The following PARD3B variants were observed in gnomAD, a reference collection of about 807,000 sequenced individuals.
The protein encoded by PARD3B is partitioning defective 3 homolog B.
PARD3B carries 103 observed loss-of-function variants against 130.2 expected under a neutral mutation model. The ratio of observed to expected loss-of-function variants is 0.79; its 90% CI spans 0.67 to 0.93. The LOEUF (loss-of-function observed/expected upper bound fraction) is 0.93, where lower values mean the gene tolerates loss of function less well. Among genes scored for constraint, PARD3B ranks in the 40% least tolerant of loss-of-function variants. The probability of loss-of-function intolerance (pLI) is 0.00; values close to 1 mark genes in which losing one functional copy is unlikely to be tolerated. For synonymous variants in PARD3B, 583 were observed against 553.2 expected (o/e 1.05, Z -0.76); for missense variants, 1,609 against 1,499.2 (o/e 1.07, Z -1.21).
At chr2:204,888,623 C>T (rs767317152) in intron 2 of PARD3B, among the ~76,000 whole-genome samples, 30 of 150,584 alleles carry the variant, frequency 2.0e-4, no homozygotes, top group African/African-American at 5.6e-4. Flanking sequence ...TCCAGCTACT[C>T]GGGAGGCTCA....
intron 21 of PARD3B, among the ~76,000 whole-genome samples, chr2:205,504,331 G>T (rs1382457177): frequency 6.6e-6 from 1 of 152,050 alleles, no homozygotes; most frequent in African/African-American, 2.4e-5. Context: ...ACATAGGCAG[G>T]GGCAAGGACT....
intron 2 of PARD3B, among the ~76,000 whole-genome samples, chr2:204,774,355 T>C (rs138276454): frequency 6.6e-6 from 1 of 152,194 alleles, no homozygotes; most frequent in East Asian, 1.9e-4. Flanking sequence ...CATATAATAG[T>C]CCATGTAATT....
At chr2:205,111,309 A>G (rs1703630236) in intron 5 of PARD3B, among the ~76,000 whole-genome samples, 1 of 152,064 alleles carries the variant, frequency 6.6e-6, no homozygotes, top group African/African-American at 2.4e-5. Context: ...CAAAATTGCA[A>G]CTATTGTGTG....
intron 21 of PARD3B, among the ~76,000 whole-genome samples, chr2:205,535,681 A>G (rs1018077880): frequency 6.6e-6 from 1 of 152,202 alleles, no homozygotes; most frequent in Non-Finnish European, 1.5e-5. Flanking sequence ...TCTCTTCCCT[A>G]TGAGGCAGTG....
intron 19 of PARD3B, among the ~76,000 whole-genome samples, chr2:205,439,276 G>A (rs1010134740): frequency 1.3e-5 from 2 of 151,812 alleles, no homozygotes; most frequent in Non-Finnish European, 2.9e-5. Flanking sequence ...ATATTCTCTG[G>A]GCCCAGGACA....
intron 2 of PARD3B, among the ~76,000 whole-genome samples, chr2:204,945,893 G>C (rs1223915942): frequency 7.1e-6 from 1 of 140,340 alleles, no homozygotes; most frequent in Admixed American, 7.0e-5. Context: ...CTAGTTGGTT[G>C]GCTTTTTGCA....
Position 205,381,146 on chromosome 2 carries a change from T to TATATATTATATATAAAGAATATATA in PARD3B, c.2631-19861_2631-19860insTATATATAAAGAATATATAATATAT, listed in dbSNP as rs1559035958. On this transcript the variant is annotated intron_variant, in intron 18 of 22. Coordinates refer to ENST00000406610, the MANE Select transcript of PARD3B (RefSeq NM_001302769.2). ...TATATTATATATAAAGAATATATAA[T>TATATATTATATATAAAGAATATATA]ATATATAATATATATAAAGAATATA... is the stretch of plus-strand genomic sequence containing the variant. Among the ~76,000 whole-genome samples, 10 of 27,846 alleles carry TATATATTATATATAAAGAATATATA rather than the reference T, an allele frequency of 3.6e-4. 1 individual carries two copies. Among genetic ancestry groups the TATATATTATATATAAAGAATATATA allele is most frequent in the South Asian group, 3.6e-3 (1 of 274 alleles). The allele number at this position is 27,846 out of a possible 152,430, so 18.3% of individuals were successfully genotyped here.
chr2:204,577,287 AC>A, intron 1 of PARD3B, among the ~76,000 whole-genome samples: 1 of 152,224 alleles, frequency 6.6e-6, no homozygotes, highest in Non-Finnish European at 1.5e-5. Flanking sequence ...CACTTTCTAA[AC>A]ACTTTGCATA....
At chr2:204,853,725 C>T (rs910398930) in intron 2 of PARD3B, among the ~76,000 whole-genome samples, 3 of 152,150 alleles carry the variant, frequency 2.0e-5, no homozygotes, top group African/African-American at 7.2e-5. Context: ...ATGCATTTAG[C>T]ATGTTGCTAG....
At chr2:204,825,691 G>A (rs776008928) in intron 2 of PARD3B, among the ~76,000 whole-genome samples, 7 of 152,152 alleles carry the variant, frequency 4.6e-5, no homozygotes, top group Non-Finnish European at 7.3e-5. Context: ...TTCTAAATTC[G>A]ATTCTCCTAT....
chr2:205,579,773 C>A (rs574118441), intron 22 of PARD3B, among the ~76,000 whole-genome samples: 1 of 152,154 alleles, frequency 6.6e-6, no homozygotes, highest in Non-Finnish European at 1.5e-5. Flanking sequence ...TGTTTATATC[C>A]TTTAATCAGG....
intron 16 of PARD3B, among the ~76,000 whole-genome samples, chr2:205,254,674 T>TTTTA (rs2039995898): frequency 2.0e-5 from 3 of 150,924 alleles, no homozygotes; most frequent in African/African-American, 7.4e-5. Flanking sequence ...ATTTTATTTT[T>TTTTA]TTTTTTTGAG....
chr2:205,328,015 A>G (rs1390297156), intron 18 of PARD3B, among the ~76,000 whole-genome samples: 2 of 152,162 alleles, frequency 1.3e-5, no homozygotes, highest in Non-Finnish European at 2.9e-5. Context: ...ATAGGGATCA[A>G]GCACTCTTAT....
At chr2:204,797,753 A>C (rs1205543558) in intron 2 of PARD3B, among the ~76,000 whole-genome samples, 1 of 152,154 alleles carries the variant, frequency 6.6e-6, no homozygotes, top group Non-Finnish European at 1.5e-5. Context: ...TTTATTGCCA[A>C]ATTAGTGCTT....
intron 2 of PARD3B, among the ~76,000 whole-genome samples, chr2:204,844,299 C>T (rs1038827050): frequency 5.9e-5 from 9 of 151,888 alleles, no homozygotes; most frequent in South Asian, 4.1e-4. Flanking sequence ...AGTACCACTA[C>T]GATTAAATTG....
intron 2 of PARD3B, among the ~76,000 whole-genome samples, chr2:204,800,712 T>A (rs2042537593): frequency 6.6e-6 from 1 of 152,218 alleles, no homozygotes; most frequent in African/African-American, 2.4e-5. Context: ...GCTCTTTAGT[T>A]TAATTAGATC....
At chr2:205,527,536 C>T (rs915772233) in intron 21 of PARD3B, among the ~76,000 whole-genome samples, 2 of 152,046 alleles carry the variant, frequency 1.3e-5, no homozygotes, top group Non-Finnish European at 2.9e-5. Context: ...TGACAAGTGA[C>T]AAGGGGCAGT....
At chr2:205,064,907 A>T (rs1351040120) in intron 4 of PARD3B, among the ~76,000 whole-genome samples, 1 of 152,210 alleles carries the variant, frequency 6.6e-6, no homozygotes, top group Non-Finnish European at 1.5e-5. Flanking sequence ...AAGAGTTATC[A>T]AAAGACCCCT....
At chr2:205,179,812 A>G (rs531097466) in intron 13 of PARD3B, among the ~76,000 whole-genome samples, 1 of 152,324 alleles carries the variant, frequency 6.6e-6, no homozygotes, top group East Asian at 1.9e-4. Context: ...AACTAATGAA[A>G]CCATAGAAGT....
Sources: gnomAD v4.1 joint callset for allele counts (sites outside exome capture counted in the v4.1 genomes callset) on GRCh38, gnomAD v4.1.1 for gene constraint, MANE v1.5 for transcripts, NCBI Gene and HGNC (gene_info 2026-07-23, HGNC 2026-07-21) for gene names.